The following COL20A1 variants were observed in gnomAD, a reference collection of about 807,000 sequenced individuals.
The protein encoded by COL20A1 is collagen alpha-1(XX) chain.
In COL20A1, 164 loss-of-function variants were observed where a neutral mutation model predicts 152.9. That is an observed-to-expected ratio of 1.07 (90% CI 0.94 to 1.22). The LOEUF (loss-of-function observed/expected upper bound fraction) is 1.22. COL20A1 is among the 50% of genes most tolerant of loss of function. The pLI, the probability that COL20A1 is intolerant of heterozygous loss-of-function variation, is 0.00. For missense variants in COL20A1, 1,873 were observed against 1,744.8 expected (o/e 1.07, Z -1.31); for synonymous variants, 864 against 756.0 (o/e 1.14, Z -2.34).
Position 63,307,627 on chromosome 20 carries a change from G to A in COL20A1, c.634G>A (p.Gly212Arg), listed in dbSNP as rs374109084. 1.1e-4 allele frequency: 171 copies of A among 1,612,326 alleles called. No homozygotes were observed. The highest frequency in any genetic ancestry group is 5.3e-4 in the Admixed American group (32 of 59,978). The change falls in exon 6 of 36, where the codon GGG (glycine) becomes AGG (arginine). Residue 212 changes from glycine (G) to arginine (R), a missense_variant. Gly to Arg is a moderately radical substitution (Grantham distance 125, BLOSUM62 -2). Transcript: ENST00000358894. ...CAGTGTCATCGCACCCTTTGAAATCGGGCCGGATAAGGTCCAAGTAGGTGG... is the reference window on the plus strand; with the variant it reads ...CAGTGTCATCGCACCCTTTGAAATCAGGCCGGATAAGGTCCAAGTAGGTGG... ...LASVIAPFEI[G>R]PDKVQVGLTQ...
intron 30 of COL20A1, 106 bp downstream of exon 30, chr20:63,326,255 A>C: frequency 2.2e-6 from 2 of 899,148 alleles, no homozygotes; most frequent in South Asian, 2.8e-5. Context: ...AGGTTACCCC[A>C]GGAAGTGCCT....
In COL20A1 at chr20:63,306,048, G is replaced by C; in HGVS notation, c.496+9G>C. ...GGATCCGCGCACTCCTGGTGGGTCAGAGTGGAGAGAGAGTAAGTCTCCGGG... is the reference window on the plus strand; with the variant it reads ...GGATCCGCGCACTCCTGGTGGGTCACAGTGGAGAGAGAGTAAGTCTCCGGG... On this transcript the variant is annotated intron_variant, in intron 5 of 35. Coordinates refer to ENST00000358894, the MANE Select transcript of COL20A1 (RefSeq NM_020882.4). The surrounding 1 kb of genome is among the most constrained non-coding windows in gnomAD (Gnocchi z 6.9). 6.3e-7 allele frequency: 1 copy of C among 1,588,968 alleles called. No individual in the cohort carries two copies. The highest frequency in any genetic ancestry group is 8.5e-7 in the Non-Finnish European group (1 of 1,169,756).
At chr20:63,314,240 G>A (rs2068055985) in intron 19 of COL20A1, 39 bp downstream of exon 19, 12 of 1,534,874 alleles carry the variant, frequency 7.8e-6, no homozygotes, top group Non-Finnish European at 9.7e-6. Context: ...GGTAGACCCA[G>A]CCCCAGCCGG....
In COL20A1 at chr20:63,307,988, G is replaced by A. The variant is rs745799526; in HGVS notation, c.673G>A (p.Gly225Arg). The A allele has an allele frequency of 5.2e-5, 84 of 1,612,474 alleles. No individual in the cohort carries two copies. Among genetic ancestry groups the A allele is most frequent in the East Asian group, 3.8e-4 (17 of 44,890 alleles). ...KVQVGLTQYS[G>R]DAQTEWDLNS... ...CTCCCCAGGCCTGACTCAGTACAGC[G>A]GGGATGCTCAGACTGAGTGGGACCT... Residue 225 changes from glycine to arginine, a missense_variant, in exon 7 of 36, where the codon GGG (glycine) becomes AGG (arginine). Physicochemically the swap from Gly to Arg is moderately radical, Grantham distance 125. Transcript: ENST00000358894.
chr20:63,308,719 C>T lies in COL20A1; in HGVS notation c.940+13C>T, dbSNP rs751890072. 4.3e-5 allele frequency: 67 copies of T among 1,570,876 alleles called. No homozygotes were observed. In the East Asian group the frequency reaches 1.0e-3, roughly 24 times the overall value. On this transcript the variant is annotated intron_variant, in intron 8 of 35. Transcript: ENST00000358894. ...GTCTTCGCTGTGGGTGAGCACCATG[C>T]GGCTCCCCCGGCCCTGGAGTCTCAC...
In COL20A1 at chr20:63,330,949, A is replaced by C. The variant is rs935063863; in HGVS notation, c.*233A>C. On this transcript the variant is annotated 3_prime_UTR_variant, in exon 36 of 36. Coordinates refer to ENST00000358894, the MANE Select transcript of COL20A1 (RefSeq NM_020882.4). ...TGCTCACCCAGCCAAGCGAGGCGGG[A>C]GTCATTTCCTGGGAGAGTGTCCCCC... 1.3e-5 allele frequency: 2 copies of C among 152,326 alleles called. No individual in the cohort carries two copies. Among genetic ancestry groups the C allele is most frequent in the Non-Finnish European group, 2.9e-5 (2 of 68,142 alleles). 9.4% of individuals were successfully genotyped at this position (152,326 alleles called of 1,614,324 possible). A position where few individuals can be genotyped will look rare whatever the true frequency, so the allele number is the denominator to read the frequency against.
chr20:63,316,847 G>A (rs548303932), intron 21 of COL20A1, among the ~76,000 whole-genome samples, 156 bp downstream of exon 21: 13 of 152,342 alleles, frequency 8.5e-5, no homozygotes, highest in Middle Eastern at 3.4e-3. Context: ...ACTCACCCCA[G>A]TACTCACACT....
chr20:63,328,342 A>T lies in COL20A1; in HGVS notation c.3625A>T (p.Lys1209Ter). Residue 1209 changes from lysine (K) to a stop codon, truncating the protein, a stop_gained, in exon 34 of 36, where the codon AAG (lysine) becomes TAG (stop). Transcript: ENST00000358894. LOFTEE classifies it high-confidence loss of function. The part of the protein sequence containing the change: ...QLVSQASHVS[K>*]FDSFHENTRP... Reference sequence around the variant, plus strand: ...CCTCCTCCCCACAGCACACGTGTCAAAGTTCGACTCCTTCCACGAGAACAC... The same window carrying T: ...CCTCCTCCCCACAGCACACGTGTCATAGTTCGACTCCTTCCACGAGAACAC... 1 of 1,611,810 alleles carries T rather than the reference A, an allele frequency of 6.2e-7. No homozygotes were observed. The highest frequency in any genetic ancestry group is 8.5e-7 in the Non-Finnish European group (1 of 1,179,150).
At chr20:63,310,681 T>A (rs1363899073) in intron 11 of COL20A1, among the ~76,000 whole-genome samples, 171 bp downstream of exon 11, 1 of 152,146 alleles carries the variant, frequency 6.6e-6, no homozygotes, top group Non-Finnish European at 1.5e-5. Context: ...ACTGGGCCCC[T>A]CTGACCCTGG....
Position 63,327,898 on chromosome 20 carries a change from C to T in COL20A1, c.3529-54C>T, listed in dbSNP as rs2068274779. 7.8e-6 allele frequency: 12 copies of T among 1,529,914 alleles called. 1 individual carries two copies. Among genetic ancestry groups the T allele is most frequent in the East Asian group, 4.8e-5 (2 of 41,446 alleles). 94.8% of individuals were successfully genotyped at this position (1,529,914 alleles called of 1,614,324 possible). A position where few individuals can be genotyped will look rare whatever the true frequency, so the allele number is the denominator to read the frequency against. On this transcript the variant is annotated intron_variant, in intron 31 of 35. Coordinates refer to ENST00000358894, the MANE Select transcript of COL20A1 (RefSeq NM_020882.4). ...CCTCAGGGCCATCTCACACTTGTCA[C>T]GTGTGGTCTCAGGCCATCTCTGCTG...
rs570789062 is a variant in COL20A1, at chr20:63,310,023, G to A, written c.1263+108G>A. The A allele has an allele frequency of 1.4e-5, 15 of 1,070,214 alleles. No individual in the cohort carries two copies. The East Asian group carries it at 3.6e-4, about 26-fold the overall frequency. The allele number at this position is 1,070,214 out of a possible 1,614,324, so 66.3% of individuals were successfully genotyped here. ...AAGGCCCACAAATAACTGGGTCCAG[G>A]CTGAGAAGGGGGTGTCGAGGGGCTG... On this transcript the variant is annotated intron_variant, in intron 10 of 35. Transcript: ENST00000358894.
chr20:63,322,883 C>G (rs2068186379), intron 27 of COL20A1, among the ~76,000 whole-genome samples: 2 of 152,254 alleles, frequency 1.3e-5, no homozygotes, highest in Admixed American at 1.3e-4. Context: ...TTTGCACCTG[C>G]GCTGCCATAT....
chr20:63,304,879 C>T (rs1014681511), intron 3 of COL20A1, among the ~76,000 whole-genome samples: 1 of 152,258 alleles, frequency 6.6e-6, no homozygotes, highest in Admixed American at 6.5e-5. Flanking sequence ...TTTCTTCTTG[C>T]TCTTTCCTCT....
chr20:63,307,686 G>C (rs2067945414), intron 6 of COL20A1, 38 bp downstream of exon 6: 1 of 1,594,582 alleles, frequency 6.3e-7, no homozygotes, highest in Non-Finnish European at 8.6e-7. Context: ...CCCCACCCGG[G>C]TGTGGTCCCC....
chr20:63,313,360 C>T lies in COL20A1; in HGVS notation c.2209+111C>T. 2 of 1,201,226 alleles carry T rather than the reference C, an allele frequency of 1.7e-6. No individual in the cohort carries two copies. Among genetic ancestry groups the T allele is most frequent in the South Asian group, 1.5e-5 (1 of 65,604 alleles). The allele number at this position is 1,201,226 out of a possible 1,614,324, so 74.4% of individuals were successfully genotyped here. ...GACCCTAGACTCCCAGAACTGCTGGCTCCAGAGCCCTGATCACTGGGCCTG... is the reference window on the plus strand; with the variant it reads ...GACCCTAGACTCCCAGAACTGCTGGTTCCAGAGCCCTGATCACTGGGCCTG... On this transcript the variant is annotated intron_variant, in intron 17 of 35. Coordinates refer to ENST00000358894, the MANE Select transcript of COL20A1 (RefSeq NM_020882.4). This position sits in a 1 kb window ranked among gnomAD's most constrained non-coding sequence, Gnocchi z 5.9.
chr20:63,320,109 T>C lies in COL20A1; in HGVS notation c.2987T>C (p.Leu996Pro), dbSNP rs1287226846. The stretch of plus-strand genomic sequence containing the variant: ...TGCCGGAAGGTGGCTGAGCGGCCCC[T>C]TGGGGAGATGGGCAGCCCACCCGCT... ...VDCRKVAERP[L>P]GEMGSPPAAG... Residue 996 changes from leucine to proline, a missense_variant, in exon 24 of 36, where the codon CTT becomes CCT. By Grantham distance (98) the Leu-to-Pro change is moderately conservative. Coordinates refer to ENST00000358894, the MANE Select transcript of COL20A1 (RefSeq NM_020882.4). 1 of 1,552,046 alleles carries C rather than the reference T, an allele frequency of 6.4e-7. No individual in the cohort carries two copies. Among genetic ancestry groups the C allele is most frequent in the Admixed American group, 1.9e-5 (1 of 51,292 alleles).
Position 63,298,038 on chromosome 20 carries a change from C to T in COL20A1, c.193+18C>T, listed in dbSNP as rs2067821262. On this transcript the variant is annotated intron_variant, in intron 3 of 35. Coordinates refer to ENST00000358894, the MANE Select transcript of COL20A1 (RefSeq NM_020882.4). ...CATGGCAGGTGAGGACCTGCCCCTC[C>T]CAGGCCCCCTTCCCCATTAGCACGT... is the stretch of plus-strand genomic sequence containing the variant. The T allele has an allele frequency of 6.4e-7, 1 of 1,553,030 alleles. No homozygotes were observed. The highest frequency in any genetic ancestry group is 1.1e-5 in the South Asian group (1 of 89,754).
At chr20:63,309,627 C>T in intron 9 of COL20A1, 130 bp downstream of exon 9, 2 of 1,217,976 alleles carry the variant, frequency 1.6e-6, no homozygotes, top group Non-Finnish European at 2.2e-6. Flanking sequence ...TCTGCAGCAC[C>T]CCCTTACATC....
Position 63,305,488 on chromosome 20 carries a change from A to C in COL20A1, c.265A>C (p.Lys89Gln). 2 of 1,605,624 alleles carry C rather than the reference A, an allele frequency of 1.2e-6. No individual in the cohort carries two copies. Among genetic ancestry groups the C allele is most frequent in the Non-Finnish European group, 1.7e-6 (2 of 1,176,882 alleles). The change falls in exon 4 of 36, where the codon AAG becomes CAG. Residue 89 changes from lysine (K) to glutamine (Q), a missense_variant. Lys to Gln is a moderately conservative substitution (Grantham distance 53). Transcript: ENST00000358894. This position sits in a 1 kb window ranked among gnomAD's most constrained non-coding sequence, Gnocchi z 4.9. Reference sequence around the variant, plus strand: ...CACAGTGGGGGGCCTGAGCCCCTCCAAGGGCTACACCTTGCAGATCTTCGA... The same window carrying C: ...CACAGTGGGGGGCCTGAGCCCCTCCCAGGGCTACACCTTGCAGATCTTCGA... ...KATVGGLSPS[K>Q]GYTLQIFELT...
Sources: allele counts gnomAD v4.1 joint callset (sites outside exome capture counted in the v4.1 genomes callset), GRCh38; gene constraint gnomAD v4.1.1; non-coding constraint Gnocchi (gnomAD v3.1); transcripts MANE v1.5; gene names NCBI Gene and HGNC (gene_info 2026-07-23, HGNC 2026-07-21).